OPCML: variants seen among roughly 807,000 people sequenced by gnomAD.
OPCML encodes opioid-binding protein/cell adhesion molecule.
A neutral mutation model predicts 37.8 loss-of-function variants in OPCML; 13 were observed. The ratio of observed to expected loss-of-function variants is 0.34; its 90% CI spans 0.22 to 0.55. The LOEUF is 0.55. Ranked by LOEUF, OPCML falls within the 20% of genes least tolerant of loss-of-function variation. The pLI is 0.91. For synonymous variants in OPCML, 176 were observed against 168.8 expected (o/e 1.04, Z -0.33); for missense variants, 341 against 435.6 (o/e 0.78, Z 1.93).
Position 132,998,633 on chromosome 11 carries a change from C to T in OPCML, c.62-55623G>A, listed in dbSNP as rs150262192. On this transcript the variant is annotated intron_variant, in intron 1 of 7. Transcript: ENST00000524381. Reference sequence around the variant, plus strand: ...TCTTCTATGCTCTGAATGTTTGTGACCCTCCAAATTTTATATGTGGAAATC... The same window carrying T: ...TCTTCTATGCTCTGAATGTTTGTGATCCTCCAAATTTTATATGTGGAAATC... Among the ~76,000 whole-genome samples the T allele has an allele frequency of 8.6e-3, 1,315 of 152,258 alleles. 19 individuals are homozygous for T. Among genetic ancestry groups the T allele is most frequent in the African/African-American group, 0.03 (1,261 of 41,552 alleles).
chr11:133,348,523 C>T (rs924705580), intron 1 of OPCML, among the ~76,000 whole-genome samples: 5 of 152,190 alleles, frequency 3.3e-5, no homozygotes, highest in Admixed American at 2.0e-4. Context: ...CATACAGCCC[C>T]AGCCTCCCTC....
intron 1 of OPCML, chr11:133,065,000 G>C (rs1044167611): frequency 1.3e-5 from 2 of 152,486 alleles, no homozygotes; most frequent in African/African-American, 4.8e-5. Context: ...TCAGGGGCCA[G>C]GGTGGGGTGA....
At chr11:132,734,955 C>T (rs1481672646) in intron 2 of OPCML, among the ~76,000 whole-genome samples, 1 of 152,112 alleles carries the variant, frequency 6.6e-6, no homozygotes, top group African/African-American at 2.4e-5. Context: ...GGGCAGAAAG[C>T]TTAGCAAAAC....
intron 4 of OPCML, among the ~76,000 whole-genome samples, chr11:132,460,271 C>T (rs2096096675): frequency 6.6e-6 from 1 of 151,754 alleles, no homozygotes; most frequent in Non-Finnish European, 1.5e-5. Context: ...TGACTGCTAG[C>T]AAAGCCAATG....
At chr11:133,351,551 T>C (rs980592453) in intron 1 of OPCML, among the ~76,000 whole-genome samples, 8 of 152,034 alleles carry the variant, frequency 5.3e-5, no homozygotes, top group Non-Finnish European at 4.4e-5. Flanking sequence ...CTTCTCTTTC[T>C]GACCTCTAAA....
At chr11:133,264,751 C>T (rs1248753540) in intron 1 of OPCML, among the ~76,000 whole-genome samples, 1 of 133,380 alleles carries the variant, frequency 7.5e-6, no homozygotes, top group Non-Finnish European at 1.6e-5. Flanking sequence ...GAGAAAAATA[C>T]ACACAGCGGT....
chr11:133,293,100 T>G (rs1400808282), intron 1 of OPCML, among the ~76,000 whole-genome samples: 3 of 152,158 alleles, frequency 2.0e-5, no homozygotes, highest in African/African-American at 4.8e-5. Context: ...CACCTCAGTC[T>G]GGGAGAAGTT....
chr11:132,415,419 A>G lies in OPCML; in HGVS notation c.*4774T>C, dbSNP rs1157525952. The stretch of plus-strand genomic sequence containing the variant: ...TCACAACTGCACTTGACATGTCACG[A>G]AAATTTCCGAACGATTAAAAATGCT... On this transcript the variant is annotated 3_prime_UTR_variant, in exon 8 of 8. Transcript: ENST00000524381. 1.3e-5 allele frequency: 2 copies of G among 152,250 alleles called. No individual in the cohort carries two copies. The highest frequency in any genetic ancestry group is 2.9e-5 in the Non-Finnish European group (2 of 68,042). The allele number at this position is 152,250 out of a possible 1,614,324, so 9.4% of individuals were successfully genotyped here.
intron 2 of OPCML, among the ~76,000 whole-genome samples, chr11:132,856,501 C>G (rs1942062653): frequency 6.6e-6 from 1 of 152,112 alleles, no homozygotes; most frequent in Non-Finnish European, 1.5e-5. Context: ...AAGAATTGGT[C>G]ACAGCCAGCA....
intron 1 of OPCML, among the ~76,000 whole-genome samples, chr11:133,105,253 G>A (rs1003266453): frequency 1.3e-5 from 2 of 152,152 alleles, no homozygotes; most frequent in African/African-American, 2.4e-5. Context: ...CTGTGGTGCC[G>A]ATAAAGCTCA....
chr11:133,051,317 G>A (rs544717879), intron 1 of OPCML, among the ~76,000 whole-genome samples: 1 of 152,110 alleles, frequency 6.6e-6, no homozygotes, highest in Non-Finnish European at 1.5e-5. Context: ...TACCAACAGG[G>A]GAACTGAGAC....
intron 1 of OPCML, among the ~76,000 whole-genome samples, chr11:133,352,515 C>A (rs1944164874): frequency 6.6e-6 from 1 of 152,202 alleles, no homozygotes; most frequent in African/African-American, 2.4e-5. Context: ...CAGAAGAAAT[C>A]TACGTATGTA....
chr11:133,324,659 G>T (rs890457595), intron 1 of OPCML, among the ~76,000 whole-genome samples: 2 of 152,162 alleles, frequency 1.3e-5, no homozygotes, highest in African/African-American at 2.4e-5. Context: ...GGCAGCGGGG[G>T]CAGGCCTTGT....
chr11:132,464,236 A>C (rs1159619154), intron 4 of OPCML, among the ~76,000 whole-genome samples: 1 of 152,158 alleles, frequency 6.6e-6, no homozygotes, highest in Non-Finnish European at 1.5e-5. Flanking sequence ...CTCTGTCTGG[A>C]AGTTATCACC....
At position 133,223,810 on chromosome 11, in the gene OPCML, C is replaced by T. The variant is rs117047255; in HGVS notation, c.62-280800G>A. The stretch of plus-strand genomic sequence containing the variant: ...GCCTAAAATCGAAGCTCTGTGAAGC[C>T]CGCTCTTGCCATTTTATTTTTGAAG... On this transcript the variant is annotated intron_variant, in intron 1 of 7. Coordinates refer to ENST00000524381, the MANE Select transcript of OPCML (RefSeq NM_001012393.5). Among the ~76,000 whole-genome samples the T allele has an allele frequency of 1.1e-4, 17 of 152,276 alleles. No homozygotes were observed. The East Asian group carries it at 3.3e-3, about 29-fold the overall frequency.
At chr11:133,276,769 G>A (rs779620865) in intron 1 of OPCML, among the ~76,000 whole-genome samples, 7 of 151,966 alleles carry the variant, frequency 4.6e-5, no homozygotes, top group Admixed American at 6.6e-5. Context: ...TAGACCACCC[G>A]AGTTTGTTTT....
At chr11:132,792,676 C>A (rs1047834775) in intron 2 of OPCML, among the ~76,000 whole-genome samples, 1 of 151,796 alleles carries the variant, frequency 6.6e-6, no homozygotes, top group Non-Finnish European at 1.5e-5. Context: ...GAGGGGGTGG[C>A]GGAGGGGATG....
chr11:133,166,283 C>A (rs1369455063), intron 1 of OPCML, among the ~76,000 whole-genome samples: 1 of 152,160 alleles, frequency 6.6e-6, no homozygotes, highest in African/African-American at 2.4e-5. Flanking sequence ...GTGCTAGGAG[C>A]TGTTATATGT....
At chr11:132,740,766 A>G (rs201215840) in intron 2 of OPCML, among the ~76,000 whole-genome samples, 1 of 152,222 alleles carries the variant, frequency 6.6e-6, no homozygotes, top group East Asian at 1.9e-4. Context: ...CAAGAACACA[A>G]TTCTAAACTA....
Sources: gnomAD v4.1 joint callset for allele counts (sites outside exome capture counted in the v4.1 genomes callset) on GRCh38, gnomAD v4.1.1 for gene constraint, MANE v1.5 for transcripts, NCBI Gene and HGNC (gene_info 2026-07-23, HGNC 2026-07-21) for gene names.